The following RMDN2 variants were observed in gnomAD, a reference collection of about 807,000 sequenced individuals.
RMDN2 encodes regulator of microtubule dynamics 2.
Under a neutral mutation model 52.8 loss-of-function variants are expected in RMDN2, and 61 were observed. The observed-to-expected ratio is 1.16, with a 90% CI of 0.94 to 1.43. RMDN2 has a LOEUF of 1.43. Ranked by LOEUF, RMDN2 falls within the 40% of genes most tolerant of loss-of-function variation. The pLI, the probability that RMDN2 is intolerant of heterozygous loss-of-function variation, is 0.00. For missense variants in RMDN2, 592 were observed against 475.3 expected, an observed-to-expected ratio of 1.25 and a Z score of -2.28; for synonymous variants, 180 against 153.1, an observed-to-expected ratio of 1.18 and a Z score of -1.30.
At chr2:37,935,554 G>A (rs1339056383) in intron 2 of RMDN2, among the ~76,000 whole-genome samples, 3 of 152,164 alleles carry the variant, frequency 2.0e-5, no homozygotes, top group African/African-American at 4.8e-5. Flanking sequence ...GAAACATCAC[G>A]TATATAATTG....
intron 8 of RMDN2, chr2:37,998,131 T>G (rs79735956): frequency 0.12 from 18,181 of 152,224 alleles, 1,337 homozygotes; most frequent in Non-Finnish European, 0.16. Flanking sequence ...ATCAACTTCC[T>G]GTGGGGGTAA....
intron 4 of RMDN2, among the ~76,000 whole-genome samples, chr2:37,979,219 G>C (rs560907261): frequency 6.6e-6 from 1 of 152,096 alleles, no homozygotes; most frequent in South Asian, 2.1e-4. Flanking sequence ...GTGTGAAAAC[G>C]AAGGGTGGAG....
chr2:37,949,645 G>A (rs1455160259), intron 2 of RMDN2, among the ~76,000 whole-genome samples: 3 of 152,090 alleles, frequency 2.0e-5, no homozygotes, highest in Non-Finnish European at 4.4e-5. Flanking sequence ...AGAGAGCTTT[G>A]GGTCTCTTAA....
At chr2:37,998,729 T>A (rs1338160145) in intron 8 of RMDN2, among the ~76,000 whole-genome samples, 2 of 152,094 alleles carry the variant, frequency 1.3e-5, no homozygotes, top group African/African-American at 4.8e-5. Context: ...CAGAAAAGAG[T>A]TCAAAAAATA....
intron 3 of RMDN2, 142 bp downstream of exon 3, chr2:37,974,356 A>T (rs1672189969): frequency 1.5e-5 from 7 of 480,300 alleles, no homozygotes; most frequent in Non-Finnish European, 3.4e-6. Context: ...AATGACTAAA[A>T]TTTTTTAAAA....
At chr2:38,066,897 T>C in intron 10 of RMDN2, 1 of 1,277,804 alleles carries the variant, frequency 7.8e-7, no homozygotes, top group Non-Finnish European at 1.1e-6. Context: ...CCATACCTTC[T>C]GGCTGCTAAA....
At chr2:38,015,254 G>T (rs1215571521) in intron 10 of RMDN2, among the ~76,000 whole-genome samples, 1 of 152,186 alleles carries the variant, frequency 6.6e-6, no homozygotes, top group African/African-American at 2.4e-5. Flanking sequence ...CTGAGTTCTT[G>T]ACAGTACAAC....
Position 37,929,471 on chromosome 2 carries a change from C to T in RMDN2, c.194C>T (p.Thr65Ile). The change falls in exon 2 of 11, where the codon ACA (threonine) becomes ATA (isoleucine). Residue 65 changes from threonine (T) to isoleucine (I), a missense_variant. Physicochemically the swap from Thr to Ile is moderately conservative, Grantham distance 89. Coordinates refer to ENST00000354545, the MANE Select transcript of RMDN2 (RefSeq NM_001170791.3). ...QDEIHDDQGT[T>I]VIFQERQLQI... is the part of the protein sequence containing the mutation. ...GAAATACATGATGACCAAGGAACAA[C>T]AGTAATCTTTCAAGAAAGGCAACTT... is the stretch of plus-strand genomic sequence containing the variant. 1.3e-6 allele frequency: 2 copies of T among 1,551,500 alleles called. No individual in the cohort carries two copies. Among genetic ancestry groups the T allele is most frequent in the South Asian group, 2.4e-5 (2 of 84,052 alleles).
At chr2:37,998,676 T>C (rs1048261424) in intron 8 of RMDN2, among the ~76,000 whole-genome samples, 15 of 152,080 alleles carry the variant, frequency 9.9e-5, no homozygotes, top group Admixed American at 3.3e-4. Flanking sequence ...AGTGGCTGCC[T>C]CAAGTGAAAA....
rs78326950 is a variant in RMDN2, at chr2:38,045,500, C to T, written c.1714-21482C>T. 9.0e-3 allele frequency among the ~76,000 whole-genome samples: 1,364 copies of T among 152,272 alleles called. 16 individuals carry two copies. The highest frequency in any genetic ancestry group is 0.029 in the African/African-American group (1,197 of 41,534). On this transcript the variant is annotated intron_variant, in intron 10 of 10. Transcript: ENST00000234195. ...TTAAAAAGGAGCAGGCAACTTCTTC[C>T]TCACCTTTTAGAATGGTGGAACAAG... is the stretch of plus-strand genomic sequence containing the variant.
chr2:38,057,467 G>C (rs764631316), intron 10 of RMDN2, among the ~76,000 whole-genome samples: 1 of 152,156 alleles, frequency 6.6e-6, no homozygotes, highest in Non-Finnish European at 1.5e-5. Flanking sequence ...ACAAGCTATG[G>C]AAAATGGGTG....
chr2:37,942,597 T>A lies in RMDN2; in HGVS notation c.452+12868T>A, dbSNP rs77308273. On this transcript the variant is annotated intron_variant, in intron 2 of 10. Transcript: ENST00000354545. ...CAAATTTTTATATTGTCAGACTTTTTCATTTTAGCCAACCTGATGAAGATG... is the reference window on the plus strand; with the variant it reads ...CAAATTTTTATATTGTCAGACTTTTACATTTTAGCCAACCTGATGAAGATG... Among the ~76,000 whole-genome samples the A allele has an allele frequency of 1.4e-3, 218 of 152,348 alleles. 5 individuals carry two copies. The East Asian group carries it at 0.037, about 26-fold the overall frequency.
At position 37,929,518 on chromosome 2, in the gene RMDN2, G is replaced by A. The variant is rs114210180; in HGVS notation, c.241G>A (p.Glu81Lys). 3.3e-4 allele frequency: 516 copies of A among 1,551,592 alleles called. 5 individuals carry two copies. In the African/African-American group the frequency reaches 6.3e-3, roughly 19 times the overall value. The stretch of plus-strand genomic sequence containing the variant: ...ACTTCAGATACTGGAGAAGTTAAAC[G>A]AATTACTGACAAATATGGAAGAACT... ...RQLQILEKLNELLTNMEELKE... is the reference protein window; with the variant it reads ...RQLQILEKLNKLLTNMEELKE... Residue 81 changes from glutamate to lysine, a missense_variant, in exon 2 of 11, where the codon GAA becomes AAA. Glu to Lys is a moderately conservative substitution (Grantham distance 56, BLOSUM62 1). Coordinates refer to ENST00000354545, the MANE Select transcript of RMDN2 (RefSeq NM_001170791.3).
chr2:37,961,335 T>A (rs949693255), intron 2 of RMDN2, among the ~76,000 whole-genome samples: 2 of 152,094 alleles, frequency 1.3e-5, no homozygotes, highest in Non-Finnish European at 2.9e-5. Context: ...CAATCAAACG[T>A]AGGTTTGGTC....
intron 2 of RMDN2, chr2:37,950,515 T>C (rs1668643653): frequency 6.2e-7 from 1 of 1,612,786 alleles, no homozygotes; most frequent in Non-Finnish European, 8.5e-7. Context: ...CTACAGGGCA[T>C]TTTATGGCTT....
intron 2 of RMDN2, among the ~76,000 whole-genome samples, chr2:37,934,875 A>G (rs1480555308): frequency 6.6e-6 from 1 of 152,180 alleles, no homozygotes; most frequent in Non-Finnish European, 1.5e-5. Context: ...CTATGGGTCT[A>G]AAACTATTAT....
chr2:38,043,470 C>T (rs185374719), intron 10 of RMDN2, among the ~76,000 whole-genome samples: 6 of 152,212 alleles, frequency 3.9e-5, no homozygotes, highest in East Asian at 3.9e-4. Flanking sequence ...ATGTCTACTA[C>T]GTCATTCACA....
intron 5 of RMDN2, 95 bp from the exon 6 acceptor site, chr2:37,989,446 A>G (rs1572962336): frequency 1.3e-6 from 1 of 767,732 alleles, no homozygotes; most frequent in Middle Eastern, 2.4e-4. Flanking sequence ...ATATGAATGA[A>G]TGCTTTAGAG....
intron 2 of RMDN2, among the ~76,000 whole-genome samples, chr2:37,971,691 C>T (rs781500550): frequency 6.6e-6 from 1 of 152,128 alleles, no homozygotes; most frequent in Non-Finnish European, 1.5e-5. Context: ...TTTCTAGGCT[C>T]TGTTCTATCA....
Sources: allele counts gnomAD v4.1 joint callset (sites outside exome capture counted in the v4.1 genomes callset), GRCh38; gene constraint gnomAD v4.1.1; transcripts MANE v1.5; gene names NCBI Gene and HGNC (gene_info 2026-07-23, HGNC 2026-07-21).